Variants in ATP8B4 observed in about 807,000 individuals in gnomAD.
ATP8B4 encodes the protein ATPase phospholipid transporting 8B4 (putative), also known as probable phospholipid-transporting ATPase IM.
In ATP8B4, 133 loss-of-function variants were observed where a neutral mutation model predicts 145.6. The ratio of observed to expected loss-of-function variants is 0.91; its 90% CI spans 0.79 to 1.05. The LOEUF is 1.05. ATP8B4 is among the 50% of genes least tolerant of loss of function. The probability of loss-of-function intolerance (pLI) is 0.00; values close to 1 mark genes in which losing one functional copy is unlikely to be tolerated. For missense variants in ATP8B4, 1,458 were observed against 1,425.2 expected (o/e 1.02, Z -0.37); for synonymous variants, 507 against 492.9 (o/e 1.03, Z -0.38).
At chr15:50,172,730 A>T (rs1205405753) in intron 1 of ATP8B4, among the ~76,000 whole-genome samples, 1 of 148,416 alleles carries the variant, frequency 6.7e-6, no homozygotes, top group Non-Finnish European at 1.5e-5. Context: ...ATCGTCTGAG[A>T]TGTGGGGAGC....
chr15:50,135,583 C>T (rs969993549), intron 1 of ATP8B4, among the ~76,000 whole-genome samples: 2 of 152,146 alleles, frequency 1.3e-5, no homozygotes, highest in African/African-American at 4.8e-5. Flanking sequence ...GGGGAACAAA[C>T]TCATTAAAAA....
chr15:50,110,671 G>T (rs1383135106), intron 1 of ATP8B4, among the ~76,000 whole-genome samples: 2 of 152,192 alleles, frequency 1.3e-5, no homozygotes, highest in African/African-American at 4.8e-5. Context: ...CAAAGTAGAG[G>T]AAATGGAAAA....
chr15:50,025,422 G>A (rs1280163702), intron 6 of ATP8B4, among the ~76,000 whole-genome samples: 3 of 152,134 alleles, frequency 2.0e-5, no homozygotes, highest in Admixed American at 1.3e-4. Context: ...CTGGACTTCT[G>A]CCAATCAGTC....
In ATP8B4 at chr15:49,901,236, T is replaced by A. The variant is rs1182691781; in HGVS notation, c.2145A>T (p.Lys715Asn). ...TTTGTCCAAACAAATTTTGTTTTGC[T>A]TTCCTTAAAGGAGAGGGTGAAAAGT... ...NAVEVREELR[K>N]AKQNLFGQNR... is the part of the protein sequence containing the mutation. The change falls in exon 21 of 28, where the codon AAA (lysine) becomes AAT (asparagine). Residue 715 changes from lysine to asparagine, a missense_variant. Transcript: ENST00000284509. 1 of 1,613,082 alleles carries A rather than the reference T, an allele frequency of 6.2e-7. No individual in the cohort carries two copies. Among genetic ancestry groups the A allele is most frequent in the Non-Finnish European group, 8.5e-7 (1 of 1,179,366 alleles).
chr15:50,089,822 C>A (rs115008267), intron 2 of ATP8B4, among the ~76,000 whole-genome samples: 2 of 152,000 alleles, frequency 1.3e-5, no homozygotes, highest in African/African-American at 4.8e-5. Flanking sequence ...CAAAGACCTA[C>A]GGGCAGAAAT....
At chr15:49,968,051 C>T (rs375054284) in intron 13 of ATP8B4, among the ~76,000 whole-genome samples, 83 of 152,168 alleles carry the variant, frequency 5.5e-4, no homozygotes, top group Middle Eastern at 3.4e-3. Flanking sequence ...GAGAAATAAA[C>T]GCCTTTACAG....
chr15:49,863,811 A>C (rs961719317), intron 26 of ATP8B4, among the ~76,000 whole-genome samples: 5 of 152,162 alleles, frequency 3.3e-5, no homozygotes, highest in Non-Finnish European at 5.9e-5. Context: ...CTAGCTACTA[A>C]GGAAAAAAAA....
At chr15:50,168,009 T>C (rs1377129603) in intron 1 of ATP8B4, among the ~76,000 whole-genome samples, 4 of 151,822 alleles carry the variant, frequency 2.6e-5, no homozygotes, top group East Asian at 1.9e-4. Context: ...CTCAATTCCA[T>C]AGGAATAAAT....
At chr15:49,895,434 A>C (rs2037295718) in intron 23 of ATP8B4, 1 of 152,268 alleles carries the variant, frequency 6.6e-6, no homozygotes, top group South Asian at 2.1e-4. Context: ...GAAAGAACAC[A>C]GATGGTCAAC....
intron 5 of ATP8B4, among the ~76,000 whole-genome samples, chr15:50,042,299 G>T (rs529907026): frequency 3.1e-4 from 47 of 152,190 alleles, no homozygotes; most frequent in Non-Finnish European, 8.8e-5. Context: ...TGCATTATTT[G>T]TGTGTATGTG....
intron 24 of ATP8B4, among the ~76,000 whole-genome samples, chr15:49,878,955 C>T (rs1386850328): frequency 6.6e-6 from 1 of 152,192 alleles, no homozygotes; most frequent in Non-Finnish European, 1.5e-5. Context: ...TTTATAAGCT[C>T]TCAGAGGCTA....
intron 3 of ATP8B4, among the ~76,000 whole-genome samples, chr15:50,059,166 C>A (rs142221989): frequency 6.6e-6 from 1 of 152,142 alleles, no homozygotes; most frequent in African/African-American, 2.4e-5. Flanking sequence ...AATGGAGTTC[C>A]CTGATTACAT....
At chr15:50,148,383 G>T (rs2044305793) in intron 1 of ATP8B4, among the ~76,000 whole-genome samples, 1 of 152,104 alleles carries the variant, frequency 6.6e-6, no homozygotes, top group African/African-American at 2.4e-5. Flanking sequence ...CATTGCAATG[G>T]GTTGAATGTG....
intron 1 of ATP8B4, among the ~76,000 whole-genome samples, chr15:50,137,755 T>C (rs908124917): frequency 1.3e-5 from 2 of 152,190 alleles, no homozygotes; most frequent in African/African-American, 4.8e-5. Context: ...TAGAGACATA[T>C]ACAGTGTTAG....
In ATP8B4 at chr15:50,061,314, G is replaced by A. The variant is rs552420027; in HGVS notation, c.87+12813C>T. Reference sequence around the variant, plus strand: ...AAGGAATCATGGAGGAAATTCCACAGGAATGTGGAAGCAAGAAGGAGCATA... The same window carrying A: ...AAGGAATCATGGAGGAAATTCCACAAGAATGTGGAAGCAAGAAGGAGCATA... On this transcript the variant is annotated intron_variant, in intron 3 of 27. Transcript: ENST00000284509. Among the ~76,000 whole-genome samples, 4 of 152,264 alleles carry A rather than the reference G, an allele frequency of 2.6e-5. No individual in the cohort carries two copies. The South Asian group carries it at 8.3e-4, about 32-fold the overall frequency.
intron 9 of ATP8B4, among the ~76,000 whole-genome samples, chr15:49,988,289 T>C (rs980019394): frequency 9.2e-5 from 14 of 152,142 alleles, no homozygotes; most frequent in Non-Finnish European, 1.0e-4. Flanking sequence ...AGGATGAGGG[T>C]TCTCTAGATA....
intron 1 of ATP8B4, among the ~76,000 whole-genome samples, chr15:50,116,764 C>T (rs993840895): frequency 6.6e-6 from 1 of 151,620 alleles, no homozygotes; most frequent in African/African-American, 2.4e-5. Flanking sequence ...GTACAGTGCC[C>T]GGCACTGGGT....
intron 3 of ATP8B4, among the ~76,000 whole-genome samples, chr15:50,059,196 C>T (rs2052825840): frequency 6.6e-6 from 1 of 152,074 alleles, no homozygotes; most frequent in South Asian, 2.1e-4. Context: ...TAGGCATTTG[C>T]CTTCTGTAGG....
At chr15:49,868,702 A>AT (rs1432983697) in intron 25 of ATP8B4, among the ~76,000 whole-genome samples, 1 of 152,228 alleles carries the variant, frequency 6.6e-6, no homozygotes, top group Non-Finnish European at 1.5e-5. Flanking sequence ...GGTAAGTAAG[A>AT]TAAAAACATT....
Sources: gnomAD v4.1 joint callset for allele counts (sites outside exome capture counted in the v4.1 genomes callset) on GRCh38, gnomAD v4.1.1 for gene constraint, MANE v1.5 for transcripts, NCBI Gene and HGNC (gene_info 2026-07-23, HGNC 2026-07-21) for gene names.